PRKCH: variants seen among roughly 807,000 people sequenced by gnomAD.
PRKCH encodes protein kinase C eta type.
Under a neutral mutation model 82.5 loss-of-function variants are expected in PRKCH, and 28 were observed. The observed-to-expected ratio is 0.34, with a 90% CI of 0.25 to 0.47. The LOEUF (loss-of-function observed/expected upper bound fraction) is 0.47. Ranked by LOEUF, PRKCH falls within the 20% of genes least tolerant of loss-of-function variation. The probability of loss-of-function intolerance (pLI) is 1.00; values close to 1 mark genes in which losing one functional copy is unlikely to be tolerated. For missense variants in PRKCH, 705 were observed against 881.8 expected (o/e 0.80, Z 2.54); for synonymous variants, 322 against 327.4 (o/e 0.98, Z 0.18).
intron 7 of PRKCH, among the ~76,000 whole-genome samples, chr14:61,456,303 C>T (rs60108845): frequency 0.02 from 3,093 of 152,242 alleles, 95 homozygotes; most frequent in African/African-American, 0.071. Context: ...GAGAGCTAGA[C>T]CCTTAATTAC....
At chr14:61,509,386 C>T (rs1373074598) in intron 10 of PRKCH, among the ~76,000 whole-genome samples, 2 of 152,112 alleles carry the variant, frequency 1.3e-5, no homozygotes, top group South Asian at 2.1e-4. Context: ...GACTTCTTCA[C>T]GATTGAGTTA....
chr14:61,530,191 A>G (rs1050836215), intron 11 of PRKCH, among the ~76,000 whole-genome samples: 3 of 152,204 alleles, frequency 2.0e-5, no homozygotes, highest in African/African-American at 7.2e-5. Context: ...CAATCAGGCC[A>G]TAAATATTTG....
chr14:61,389,677 G>A (rs913934539), intron 1 of PRKCH, among the ~76,000 whole-genome samples: 4 of 151,246 alleles, frequency 2.6e-5, no homozygotes, highest in African/African-American at 9.8e-5. Context: ...CTCCAGCCTG[G>A]GAGACAGTGA....
At chr14:61,325,090 AAGTT>A (rs1212869532) in intron 1 of PRKCH, among the ~76,000 whole-genome samples, 1 of 152,222 alleles carries the variant, frequency 6.6e-6, no homozygotes, top group Non-Finnish European at 1.5e-5. Flanking sequence ...GTCAAAATCT[AAGTT>A]TGTTGTAGAA....
rs556314382 is a variant in PRKCH, at chr14:61,249,336, A to G, written c.-19+61668A>G. On this transcript the variant is annotated intron_variant, in intron 1 of 3. Transcript: ENST00000555185. ...GCGCCCTTCTCTAGAAATGAGTGCTAGAGCCAGGGAGCAGGGGAGGAGTCA... is the reference window on the plus strand; with the variant it reads ...GCGCCCTTCTCTAGAAATGAGTGCTGGAGCCAGGGAGCAGGGGAGGAGTCA... 5.9e-5 allele frequency among the ~76,000 whole-genome samples: 9 copies of G among 152,314 alleles called. No individual in the cohort carries two copies. In the South Asian group the frequency reaches 1.7e-3, roughly 28 times the overall value.
At chr14:61,464,466 A>G (rs975616084) in intron 9 of PRKCH, among the ~76,000 whole-genome samples, 4 of 151,998 alleles carry the variant, frequency 2.6e-5, no homozygotes, top group Admixed American at 2.0e-4. Context: ...TACATGTGCC[A>G]TGGTGGTCTG....
At chr14:61,539,622 T>G (rs1040224337) in intron 12 of PRKCH, among the ~76,000 whole-genome samples, 1 of 152,018 alleles carries the variant, frequency 6.6e-6, no homozygotes, top group African/African-American at 2.4e-5. Flanking sequence ...ACTTTATTTT[T>G]AATAAAGAAA....
intron 1 of PRKCH, among the ~76,000 whole-genome samples, chr14:61,203,305 C>T (rs573219303): frequency 6.6e-6 from 1 of 152,210 alleles, no homozygotes; most frequent in East Asian, 1.9e-4. Flanking sequence ...AAGAGTGAAA[C>T]CAGATATCCC....
chr14:61,440,303 G>A (rs1418613080), intron 2 of PRKCH, among the ~76,000 whole-genome samples: 1 of 152,198 alleles, frequency 6.6e-6, no homozygotes, highest in Non-Finnish European at 1.5e-5. Flanking sequence ...AGGATTATTG[G>A]TTATGACACT....
intron 10 of PRKCH, among the ~76,000 whole-genome samples, chr14:61,510,489 G>A (rs1055970538): frequency 1.2e-4 from 18 of 152,046 alleles, no homozygotes; most frequent in Admixed American, 5.2e-4. Flanking sequence ...CAAGGAGTAG[G>A]CGTTAAAGAT....
chr14:61,472,317 C>G (rs760016008), intron 9 of PRKCH, among the ~76,000 whole-genome samples: 3 of 152,240 alleles, frequency 2.0e-5, no homozygotes, highest in Non-Finnish European at 4.4e-5. Context: ...AATAATTACA[C>G]TTTCACTTTA....
At chr14:61,435,445 G>A (rs1389435703) in intron 2 of PRKCH, among the ~76,000 whole-genome samples, 3 of 152,328 alleles carry the variant, frequency 2.0e-5, no homozygotes, top group East Asian at 3.9e-4. Context: ...GGGTGGAGGA[G>A]GCCGAGAAGA....
rs140423091 is a variant in PRKCH at position 61,387,098 on chromosome 14, C to T, written c.364-4127C>T. On this transcript the variant is annotated intron_variant, in intron 1 of 13. Transcript: ENST00000332981. The stretch of plus-strand genomic sequence containing the variant: ...GTGCCGGACACTCCCAAGTTTGTGT[C>T]CTTCCAGATTGAAGTTTAGCAGAAG... Among the ~76,000 whole-genome samples the T allele has an allele frequency of 3.7e-3, 568 of 152,348 alleles. 1 individual carries two copies. Among genetic ancestry groups the T allele is most frequent in the African/African-American group, 0.013 (533 of 41,564 alleles).
intron 10 of PRKCH, among the ~76,000 whole-genome samples, chr14:61,490,931 C>CAAA (rs1886425509): frequency 6.6e-6 from 1 of 151,658 alleles, no homozygotes; most frequent in Admixed American, 6.6e-5. Context: ...AAAACAAAAA[C>CAAA]AAACAAAAAA....
At chr14:61,545,725 A>G (rs560642243) in intron 12 of PRKCH, among the ~76,000 whole-genome samples, 11 of 152,296 alleles carry the variant, frequency 7.2e-5, no homozygotes, top group African/African-American at 2.4e-4. Flanking sequence ...CCTGTCCCCA[A>G]TTCCAAGGGT....
chr14:61,436,535 T>G (rs866066771), intron 2 of PRKCH, among the ~76,000 whole-genome samples: 22 of 152,172 alleles, frequency 1.4e-4, no homozygotes, highest in Admixed American at 4.6e-4. Context: ...GCCATTTATT[T>G]TCAACTTATT....
intron 1 of PRKCH, among the ~76,000 whole-genome samples, chr14:61,338,217 A>G (rs376935151): frequency 6.6e-6 from 1 of 152,166 alleles, no homozygotes; most frequent in Admixed American, 6.5e-5. Context: ...TACCCTGCAC[A>G]TGTTTGGGAT....
chr14:61,365,570 T>C (rs1022862122), intron 1 of PRKCH, among the ~76,000 whole-genome samples: 2 of 152,126 alleles, frequency 1.3e-5, no homozygotes, highest in Non-Finnish European at 2.9e-5. Context: ...ATTTAAGCAG[T>C]TTCTAGTGCT....
At chr14:61,445,440 C>T (rs1884175118) in intron 3 of PRKCH, among the ~76,000 whole-genome samples, 1 of 152,174 alleles carries the variant, frequency 6.6e-6, no homozygotes, top group Non-Finnish European at 1.5e-5. Context: ...AGGAAATTGC[C>T]ATGGAGGTAG....
Sources: gnomAD v4.1 joint callset for allele counts (sites outside exome capture counted in the v4.1 genomes callset) on GRCh38, gnomAD v4.1.1 for gene constraint, MANE v1.5 for transcripts, NCBI Gene and HGNC (gene_info 2026-07-23, HGNC 2026-07-21) for gene names.